Variants in BMAL1 observed in about 807,000 individuals in gnomAD.
BMAL1 encodes basic helix-loop-helix ARNT like 1, also known as basic helix-loop-helix ARNT-like protein 1.
At chr11:13,354,346 G>A in the BMAL1 span, 1 of 1,613,642 alleles carries the variant, frequency 6.2e-7, no homozygotes, top group Non-Finnish European at 8.5e-7. Flanking sequence ...TCAACCATCA[G>A]TGATTTCATG....
At chr11:13,342,786 T>TGG in the BMAL1 span, among the ~76,000 whole-genome samples, 11 of 152,318 alleles carry the variant, frequency 7.2e-5, no homozygotes, top group Non-Finnish European at 1.2e-4. Context: ...GGCTGTGCTG[T>TGG]ACAGTGGAAG....
the BMAL1 span, among the ~76,000 whole-genome samples, chr11:13,352,196 G>A: frequency 2.0e-5 from 3 of 152,150 alleles, no homozygotes; most frequent in South Asian, 2.1e-4. Flanking sequence ...AGTCCTCAGC[G>A]GAGAATGGAG....
At chr11:13,280,795 C>A in the BMAL1 span, among the ~76,000 whole-genome samples, 2 of 152,316 alleles carry the variant, frequency 1.3e-5, no homozygotes, top group African/African-American at 4.8e-5. Context: ...ACCCCCTCAG[C>A]ATCTCTTACT....
chr11:13,368,381 G>A, the BMAL1 span, among the ~76,000 whole-genome samples: 1 of 152,240 alleles, frequency 6.6e-6, no homozygotes, highest in Non-Finnish European at 1.5e-5. Flanking sequence ...GTGCACAGGT[G>A]CAGGGGTGTG....
the BMAL1 span, among the ~76,000 whole-genome samples, chr11:13,358,159 A>C: frequency 4.6e-5 from 7 of 152,320 alleles, no homozygotes; most frequent in African/African-American, 1.7e-4. Flanking sequence ...AACGAGGAGA[A>C]ATGAACAATT....
At chr11:13,327,435 T>C in the BMAL1 span, among the ~76,000 whole-genome samples, 1 of 152,142 alleles carries the variant, frequency 6.6e-6, no homozygotes, top group South Asian at 2.1e-4. Flanking sequence ...AAGATTGTGT[T>C]TTTTTCTCCT....
the BMAL1 span, among the ~76,000 whole-genome samples, chr11:13,297,825 G>T: frequency 6.6e-6 from 1 of 152,206 alleles, no homozygotes; most frequent in Non-Finnish European, 1.5e-5. Flanking sequence ...GAGTGCTCAT[G>T]GAACCTACTG....
At chr11:13,354,214 A>ACCCCCCCC in the BMAL1 span, 1 of 872,262 alleles carries the variant, frequency 1.1e-6, no homozygotes, top group Non-Finnish European at 1.6e-6. Context: ...CCCACCACCA[A>ACCCCCCCC]ACCCCCAAGC....
the BMAL1 span, among the ~76,000 whole-genome samples, chr11:13,294,866 T>C: frequency 6.6e-6 from 1 of 152,248 alleles, no homozygotes; most frequent in African/African-American, 2.4e-5. Flanking sequence ...TCTCTGTTCA[T>C]GTTCACAATA....
the BMAL1 span, chr11:13,375,507 C>G: frequency 1.1e-6 from 1 of 944,344 alleles, no homozygotes; most frequent in South Asian, 2.0e-5. Context: ...TACTAAAGAG[C>G]GATGTCGTTG....
chr11:13,305,076 A>G, the BMAL1 span, among the ~76,000 whole-genome samples: 1 of 152,182 alleles, frequency 6.6e-6, no homozygotes, highest in Non-Finnish European at 1.5e-5. Flanking sequence ...CTTCCTTGGC[A>G]GTCATGACCT....
the BMAL1 span, among the ~76,000 whole-genome samples, chr11:13,279,236 C>T: frequency 6.6e-6 from 1 of 152,218 alleles, no homozygotes; most frequent in African/African-American, 2.4e-5. Context: ...AAATCAGATT[C>T]CGTATTTGTG....
At chr11:13,342,564 C>T in the BMAL1 span, among the ~76,000 whole-genome samples, 8 of 152,132 alleles carry the variant, frequency 5.3e-5, no homozygotes, top group African/African-American at 1.2e-4. Context: ...CACAGGGCTG[C>T]GTTTAAAGGT....
chr11:13,314,168 G>T, the BMAL1 span, among the ~76,000 whole-genome samples: 1 of 151,080 alleles, frequency 6.6e-6, no homozygotes, highest in East Asian at 2.0e-4. Context: ...GCACTTATCG[G>T]TGTTACTGTT....
chr11:13,288,758 A>C, the BMAL1 span, among the ~76,000 whole-genome samples: 2 of 152,162 alleles, frequency 1.3e-5, no homozygotes, highest in Admixed American at 1.3e-4. Context: ...GGAAGGAGAG[A>C]GAGAAGCCAG....
At chr11:13,365,423 C>T in the BMAL1 span, 10 of 1,320,668 alleles carry the variant, frequency 7.6e-6, no homozygotes, top group Non-Finnish European at 1.1e-5. Context: ...AAAGCACATC[C>T]TCTATTTGTT....
chr11:13,322,985 C>T, the BMAL1 span, among the ~76,000 whole-genome samples: 1 of 150,516 alleles, frequency 6.6e-6, no homozygotes, highest in African/African-American at 2.4e-5. Context: ...TTTGTAGAGA[C>T]AGCGTCTAGC....
chr11:13,378,306 C>A, the BMAL1 span: 1 of 1,563,306 alleles, frequency 6.4e-7, no homozygotes, highest in East Asian at 2.3e-5. Context: ...TCAGTTTTCC[C>A]CTTTCCTACT....
the BMAL1 span, among the ~76,000 whole-genome samples, chr11:13,317,256 C>T: frequency 6.6e-6 from 1 of 152,102 alleles, no homozygotes; most frequent in Admixed American, 6.5e-5. Flanking sequence ...TTGAATTGCA[C>T]ATTATGTCCA....
Sources: gnomAD v4.1 joint callset for allele counts (sites outside exome capture counted in the v4.1 genomes callset) on GRCh38, gnomAD v4.1.1 for gene constraint, MANE v1.5 for transcripts, NCBI Gene and HGNC (gene_info 2026-07-23, HGNC 2026-07-21) for gene names.